The following RALGPS1 variants were observed in gnomAD, a reference collection of about 807,000 sequenced individuals.
RALGPS1 encodes the protein ras-specific guanine nucleotide-releasing factor RalGPS1.
In RALGPS1, 19 loss-of-function variants were observed where a neutral mutation model predicts 78.8. The ratio of observed to expected loss-of-function variants is 0.24; its 90% CI spans 0.17 to 0.35. The LOEUF (loss-of-function observed/expected upper bound fraction) is 0.35, where lower values mean the gene tolerates loss of function less well. Among genes scored for constraint, RALGPS1 ranks in the 10% least tolerant of loss-of-function variants. The pLI, the probability that RALGPS1 is intolerant of heterozygous loss-of-function variation, is 1.00. For synonymous variants in RALGPS1, 228 were observed against 256.3 expected (o/e 0.89, Z 1.06); for missense variants, 454 against 688.3 (o/e 0.66, Z 3.81).
At chr9:126,978,420 G>A (rs1316679513) in intron 4 of RALGPS1, 1 of 151,990 alleles carries the variant, frequency 6.6e-6, no homozygotes, top group Non-Finnish European at 1.5e-5. Context: ...TGATAACAAG[G>A]TTTTGGTTAT....
Position 126,984,260 on chromosome 9 carries a change from T to C in RALGPS1, c.216+6515T>C, listed in dbSNP as rs139219668. 7.1e-3 allele frequency among the ~76,000 whole-genome samples: 1,080 copies of C among 152,244 alleles called. 14 individuals are homozygous for C. The highest frequency in any genetic ancestry group is 0.025 in the African/African-American group (1,043 of 41,542). ...CTAGGACTACAGACATGTGCCACCATGCTTGGCTAATTTTTAAAAAATATT... is the reference window on the plus strand; with the variant it reads ...CTAGGACTACAGACATGTGCCACCACGCTTGGCTAATTTTTAAAAAATATT... On this transcript the variant is annotated intron_variant, in intron 4 of 18. Coordinates refer to ENST00000259351, the MANE Select transcript of RALGPS1 (RefSeq NM_014636.3).
chr9:127,204,105 G>T (rs900657537), intron 14 of RALGPS1, among the ~76,000 whole-genome samples: 6 of 152,186 alleles, frequency 3.9e-5, no homozygotes, highest in African/African-American at 1.4e-4. Flanking sequence ...CCTGTGATGA[G>T]GCTAGGCACA....
At chr9:127,034,105 G>GC (rs1024095857) in intron 4 of RALGPS1, among the ~76,000 whole-genome samples, 24 of 152,154 alleles carry the variant, frequency 1.6e-4, no homozygotes, top group African/African-American at 5.3e-4. Flanking sequence ...ACATTTCTGT[G>GC]CCCCCTCAGA....
At chr9:127,144,143 T>G (rs1272190083) in intron 8 of RALGPS1, among the ~76,000 whole-genome samples, 1 of 152,240 alleles carries the variant, frequency 6.6e-6, no homozygotes, top group Non-Finnish European at 1.5e-5. Flanking sequence ...TTCTGAAAGC[T>G]TAGCCCTGAG....
At chr9:127,081,318 T>G (rs1388793246) in intron 8 of RALGPS1, among the ~76,000 whole-genome samples, 1 of 152,206 alleles carries the variant, frequency 6.6e-6, no homozygotes, top group Non-Finnish European at 1.5e-5. Context: ...ACCCAACTGA[T>G]CAGCCACCCT....
chr9:127,210,617 G>T (rs1020486210), intron 14 of RALGPS1: 8 of 1,089,496 alleles, frequency 7.3e-6, no homozygotes, highest in Admixed American at 4.1e-5. Flanking sequence ...TGACTATGTT[G>T]TCGGGGTGCT....
chr9:126,974,295 G>A (rs1003227465), intron 3 of RALGPS1, among the ~76,000 whole-genome samples: 3 of 152,162 alleles, frequency 2.0e-5, no homozygotes, highest in Admixed American at 6.5e-5. Flanking sequence ...CTAAATTGCC[G>A]GACACGGGCT....
intron 6 of RALGPS1, 120 bp downstream of exon 6, chr9:127,050,252 C>T: frequency 1.2e-6 from 1 of 835,736 alleles, no homozygotes; most frequent in Non-Finnish European, 1.9e-6. Context: ...AGGCACAGTT[C>T]AAACAGGGTG....
chr9:127,062,791 G>A (rs552804917), intron 7 of RALGPS1, among the ~76,000 whole-genome samples: 1 of 152,282 alleles, frequency 6.6e-6, no homozygotes, highest in South Asian at 2.1e-4. Flanking sequence ...TTTTCCTTGT[G>A]TTACATGCGA....
chr9:126,947,692 C>T (rs774177921), intron 1 of RALGPS1, among the ~76,000 whole-genome samples: 4 of 152,182 alleles, frequency 2.6e-5, no homozygotes, highest in Non-Finnish European at 2.9e-5. Flanking sequence ...CTTTCACTTG[C>T]TCTGTAGCTG....
At chr9:127,182,161 G>T (rs2060262563) in intron 11 of RALGPS1, among the ~76,000 whole-genome samples, 1 of 141,160 alleles carries the variant, frequency 7.1e-6, no homozygotes, top group Non-Finnish European at 1.5e-5. Context: ...GAGCAATATG[G>T]CAAAACCCCA....
chr9:127,113,053 A>G (rs542758512), intron 8 of RALGPS1, among the ~76,000 whole-genome samples: 4 of 152,224 alleles, frequency 2.6e-5, no homozygotes, highest in Non-Finnish European at 4.4e-5. Context: ...CTACTGTTAC[A>G]CCTCTGTGGG....
intron 8 of RALGPS1, among the ~76,000 whole-genome samples, chr9:127,081,878 G>A (rs1412632101): frequency 6.6e-6 from 1 of 152,270 alleles, no homozygotes; most frequent in Non-Finnish European, 1.5e-5. Flanking sequence ...ATGTGGCAGC[G>A]CTGTGGGAAT....
Position 127,132,796 on chromosome 9 carries a change from CAT to C in RALGPS1, c.611-33271_611-33270del, listed in dbSNP as rs753298642. 3.5e-4 allele frequency among the ~76,000 whole-genome samples: 53 copies of C among 152,336 alleles called. No individual in the cohort carries two copies. The Middle Eastern group carries it at 0.01, about 29-fold the overall frequency. ...TAAGGTTGCCATGAGAATTAAATGA[CAT>C]AAAATATCCAAAGTGCCTGCCATAT... On this transcript the variant is annotated intron_variant, in intron 8 of 18. Coordinates refer to ENST00000259351, the MANE Select transcript of RALGPS1 (RefSeq NM_014636.3).
intron 2 of RALGPS1, among the ~76,000 whole-genome samples, chr9:126,962,910 C>T (rs2039042083): frequency 6.6e-6 from 1 of 152,196 alleles, no homozygotes; most frequent in Non-Finnish European, 1.5e-5. Context: ...AACGCCTGCT[C>T]CTCGGACAGA....
intron 8 of RALGPS1, among the ~76,000 whole-genome samples, chr9:127,146,600 G>A (rs1349848699): frequency 6.7e-6 from 1 of 148,748 alleles, no homozygotes; most frequent in Non-Finnish European, 1.5e-5. Context: ...CTGGAGTGCA[G>A]TGGTGCAATC....
At chr9:127,065,925 G>T (rs1037130812) in intron 7 of RALGPS1, among the ~76,000 whole-genome samples, 1 of 152,208 alleles carries the variant, frequency 6.6e-6, no homozygotes, top group African/African-American at 2.4e-5. Flanking sequence ...GTCTTCTAGT[G>T]ACTTATGCAC....
At chr9:127,108,525 G>T in intron 8 of RALGPS1, 4 of 1,613,242 alleles carry the variant, frequency 2.5e-6, no homozygotes, top group Non-Finnish European at 3.4e-6. Flanking sequence ...AGTTGACGCA[G>T]ATGGCACCCG....
chr9:126,962,474 G>A, intron 2 of RALGPS1, 128 bp downstream of exon 2: 2 of 919,966 alleles, frequency 2.2e-6, no homozygotes, highest in Non-Finnish European at 3.4e-6. Context: ...GCACTCCTAA[G>A]GCCCCTGGCC....
Sources: gnomAD v4.1 joint callset for allele counts (sites outside exome capture counted in the v4.1 genomes callset) on GRCh38, gnomAD v4.1.1 for gene constraint, MANE v1.5 for transcripts, NCBI Gene and HGNC (gene_info 2026-07-23, HGNC 2026-07-21) for gene names.